Variants in NAA60 observed in about 807,000 individuals in gnomAD.
NAA60 encodes the protein N-alpha-acetyltransferase 60.
Under a neutral mutation model 26.1 loss-of-function variants are expected in NAA60, and 8 were observed. That is an observed-to-expected ratio of 0.31 (90% CI 0.18 to 0.55). The LOEUF is 0.55. Ranked by LOEUF, NAA60 falls within the 20% of genes least tolerant of loss-of-function variation. NAA60 has a pLI of 0.93. For missense variants in NAA60, 290 were observed against 311.3 expected, an observed-to-expected ratio of 0.93 and a Z score of 0.51; for synonymous variants, 131 against 122.5, an observed-to-expected ratio of 1.07 and a Z score of -0.46.
chr16:3,463,574 T>C (rs1036846985), intron 2 of NAA60, among the ~76,000 whole-genome samples: 2 of 98,066 alleles, frequency 2.0e-5, no homozygotes, highest in African/African-American at 7.4e-5. Context: ...AAAAAAAAAA[T>C]GCAAGCTGGC....
chr16:3,482,680 C>T (rs1159214013), intron 5 of NAA60, 82 bp downstream of exon 5: 4 of 957,826 alleles, frequency 4.2e-6, no homozygotes, highest in African/African-American at 1.7e-5. Context: ...CACCCAGTCT[C>T]TTCCCTGGCC....
At chr16:3,458,183 T>C in intron 2 of NAA60, 1 of 983,794 alleles carries the variant, frequency 1.0e-6, no homozygotes, top group Non-Finnish European at 1.2e-6. Context: ...CCCCACGAGG[T>C]GAGGTGGCGG....
At position 3,484,942 on chromosome 16, in the gene NAA60, G is replaced by T; in HGVS notation, c.*87G>T. On this transcript the variant is annotated 3_prime_UTR_variant, in exon 7 of 8. Transcript: ENST00000407558. ...GTCCATCTGACCCCTTCTGTTTTCTGCAAGGAGCTGCCAGCCATCTAACTG... is the reference window on the plus strand; with the variant it reads ...GTCCATCTGACCCCTTCTGTTTTCTTCAAGGAGCTGCCAGCCATCTAACTG... 1 of 1,537,820 alleles carries T rather than the reference G, an allele frequency of 6.5e-7. No individual in the cohort carries two copies. The highest frequency in any genetic ancestry group is 2.0e-5 in the Admixed American group (1 of 50,950).
chr16:3,466,760 C>T (rs889057782), intron 2 of NAA60, among the ~76,000 whole-genome samples: 2 of 151,956 alleles, frequency 1.3e-5, no homozygotes, highest in African/African-American at 2.4e-5. Context: ...GAAGGTGGCC[C>T]GAGAGGGAGA....
intron 2 of NAA60, among the ~76,000 whole-genome samples, chr16:3,472,940 T>TCA (rs1316610302): frequency 6.6e-6 from 1 of 152,240 alleles, no homozygotes; most frequent in Non-Finnish European, 1.5e-5. Flanking sequence ...AAGACTCTTC[T>TCA]CACACCTGAC....
At chr16:3,450,718 A>G (rs1270909951) in intron 2 of NAA60, among the ~76,000 whole-genome samples, 1 of 148,830 alleles carries the variant, frequency 6.7e-6, no homozygotes, top group Non-Finnish European at 1.5e-5. Flanking sequence ...AAAAAAAAAA[A>G]AAAAAAGAAA....
intron 1 of NAA60, among the ~76,000 whole-genome samples, chr16:3,445,298 A>G (rs1297793520): frequency 7.4e-6 from 1 of 135,396 alleles, no homozygotes; most frequent in Non-Finnish European, 1.6e-5. Context: ...TTTTTTTGAG[A>G]CAGTCTCACT....
intron 2 of NAA60, among the ~76,000 whole-genome samples, chr16:3,475,423 T>C (rs781213707): frequency 1.3e-5 from 2 of 151,822 alleles, no homozygotes; most frequent in Non-Finnish European, 2.9e-5. Flanking sequence ...ATTTCCAACT[T>C]AAAGAACCAA....
chr16:3,470,800 A>G (rs993843039), intron 2 of NAA60, among the ~76,000 whole-genome samples: 1 of 152,218 alleles, frequency 6.6e-6, no homozygotes, highest in African/African-American at 2.4e-5. Context: ...CAGTGGACCT[A>G]CAGCCATGCT....
chr16:3,457,950 G>T lies in NAA60; in HGVS notation c.-7+9410G>T, dbSNP rs545090692. The T allele has an allele frequency of 5.1e-6, 5 of 981,950 alleles. No homozygotes were observed. In the East Asian group the frequency reaches 4.6e-4, roughly 89 times the overall value. The allele number at this position is 981,950 out of a possible 1,614,324, so 60.8% of individuals were successfully genotyped here. ...CGCTCCCAACATGGCGGCAGCGCCG[G>T]CCTCAGGGGGCGGGGCCACGTGGGG... On this transcript the variant is annotated intron_variant, in intron 2 of 7. Coordinates refer to ENST00000407558, the MANE Select transcript of NAA60 (RefSeq NM_001083601.3).
chr16:3,474,621 A>G (rs1490844926), intron 2 of NAA60, among the ~76,000 whole-genome samples: 4 of 152,346 alleles, frequency 2.6e-5, no homozygotes, highest in African/African-American at 7.2e-5. Context: ...TCGCCCTGCC[A>G]GTGGAGTGGG....
At chr16:3,451,272 T>C (rs2034772092) in intron 2 of NAA60, among the ~76,000 whole-genome samples, 1 of 152,226 alleles carries the variant, frequency 6.6e-6, no homozygotes, top group African/African-American at 2.4e-5. Flanking sequence ...AATATAGTAC[T>C]TGTCCATGTA....
chr16:3,460,163 G>T lies in NAA60; in HGVS notation c.-7+11623G>T, dbSNP rs1031030536. Among the ~76,000 whole-genome samples, 5 of 152,178 alleles carry T rather than the reference G, an allele frequency of 3.3e-5. 1 individual carries two copies. The highest frequency in any genetic ancestry group is 7.3e-5 in the Non-Finnish European group (5 of 68,034). The stretch of plus-strand genomic sequence containing the variant: ...CTGAGTTAGGGCAGTGCATGGCCTT[G>T]CTCTGCTGAAATAGCCCAGAGGTCC... On this transcript the variant is annotated intron_variant, in intron 2 of 7. Transcript: ENST00000407558.
In NAA60 at chr16:3,486,634, T is replaced by C. The variant is rs560255242; in HGVS notation, c.*1374T>C. 14 of 152,372 alleles carry C rather than the reference T, an allele frequency of 9.2e-5. No homozygotes were observed. Among genetic ancestry groups the C allele is most frequent in the African/African-American group, 2.9e-4 (12 of 41,576 alleles). 9.4% of individuals were successfully genotyped at this position (152,372 alleles called of 1,614,324 possible). ...GGAGGGCCGCGCCATGCTGACTGCT[T>C]GAACCTCTGCTGACCTGACAGTGCT... On this transcript the variant is annotated 3_prime_UTR_variant, in exon 8 of 8. Transcript: ENST00000407558.
chr16:3,480,620 AG>A (rs1303437795), intron 4 of NAA60, among the ~76,000 whole-genome samples: 1 of 150,586 alleles, frequency 6.6e-6, no homozygotes, highest in Non-Finnish European at 1.5e-5. Flanking sequence ...AAGAAGAAGA[AG>A]AAAAGTTAGA....
intron 2 of NAA60, among the ~76,000 whole-genome samples, chr16:3,456,172 T>C (rs1163932375): frequency 6.6e-6 from 1 of 152,124 alleles, no homozygotes; most frequent in Non-Finnish European, 1.5e-5. Context: ...TAGGGAGTGT[T>C]TTTTCAAACT....
chr16:3,485,192 C>T (rs1353513216), intron 7 of NAA60, 131 bp downstream of exon 7: 1 of 710,004 alleles, frequency 1.4e-6, no homozygotes, highest in South Asian at 1.5e-5. Context: ...CCACCTTATG[C>T]ACCAGCACAG....
chr16:3,470,263 G>T (rs2036043300), intron 2 of NAA60, among the ~76,000 whole-genome samples: 2 of 152,204 alleles, frequency 1.3e-5, no homozygotes, highest in Non-Finnish European at 1.5e-5. Context: ...AATGCTGGGG[G>T]AGCAGCTTCC....
At chr16:3,470,417 G>C (rs911747294) in intron 2 of NAA60, among the ~76,000 whole-genome samples, 4 of 152,200 alleles carry the variant, frequency 2.6e-5, no homozygotes, top group African/African-American at 9.7e-5. Context: ...AATTCTCGCA[G>C]ATGTTCAGGC....
Sources: allele counts gnomAD v4.1 joint callset (sites outside exome capture counted in the v4.1 genomes callset), GRCh38; gene constraint gnomAD v4.1.1; transcripts MANE v1.5; gene names NCBI Gene and HGNC (gene_info 2026-07-23, HGNC 2026-07-21).